Variants in NCOA1 observed in about 807,000 individuals in gnomAD.
NCOA1 encodes Hin-2 protein.
NCOA1 carries 35 observed loss-of-function variants against 150.9 expected under a neutral mutation model. The observed-to-expected ratio is 0.23, with a 90% CI of 0.18 to 0.31. NCOA1 has a LOEUF of 0.31. Ranked by LOEUF, NCOA1 falls within the 10% of genes least tolerant of loss-of-function variation. The pLI is 1.00. For synonymous variants in NCOA1, 590 were observed against 630.0 expected, an observed-to-expected ratio of 0.94 and a Z score of 0.95; for missense variants, 1,491 against 1,749.3, an observed-to-expected ratio of 0.85 and a Z score of 2.63.
intron 19 of NCOA1, among the ~76,000 whole-genome samples, chr2:24,743,264 A>G (rs1423386780): frequency 6.6e-6 from 1 of 152,274 alleles, no homozygotes; most frequent in East Asian, 1.9e-4. Context: ...TTTGACTTGA[A>G]TAAAATGTCA....
At chr2:24,728,997 G>A (rs528123900) in intron 16 of NCOA1, among the ~76,000 whole-genome samples, 2 of 152,324 alleles carry the variant, frequency 1.3e-5, no homozygotes, top group East Asian at 1.9e-4. Flanking sequence ...AAGCACACGC[G>A]CACGCGCGCA....
chr2:24,755,630 C>G (rs1207938596), intron 20 of NCOA1, among the ~76,000 whole-genome samples: 1 of 152,168 alleles, frequency 6.6e-6, no homozygotes, highest in Non-Finnish European at 1.5e-5. Flanking sequence ...TGTCAGTGGA[C>G]CCAGACGTCT....
At chr2:24,534,469 A>G (rs1310805895) in intron 1 of NCOA1, among the ~76,000 whole-genome samples, 1 of 147,210 alleles carries the variant, frequency 6.8e-6, no homozygotes, top group African/African-American at 2.5e-5. Flanking sequence ...CTCTGATCTT[A>G]GTTATTTCTT....
chr2:24,656,510 A>G (rs1670958591), intron 4 of NCOA1, among the ~76,000 whole-genome samples: 1 of 152,178 alleles, frequency 6.6e-6, no homozygotes. Context: ...GCTATTCGAA[A>G]ATAAATTGTT....
rs1282856688 is a variant in NCOA1, at chr2:24,707,658, A to G, written c.2188A>G (p.Ser730Gly). Residue 730 changes from serine to glycine, a missense_variant, in exon 13 of 23, where the codon AGT (serine) becomes GGT (glycine). Physicochemically the swap from Ser to Gly is moderately conservative, Grantham distance 56. Transcript: ENST00000348332. ...SVTGQVQGNSSIKLELDASKK... is the reference protein window; with the variant it reads ...SVTGQVQGNSGIKLELDASKK... ...GACTGGACAGGTACAAGGAAACTCC[A>G]GTATAAAACTAGAACTGGATGCTTC... The G allele has an allele frequency of 6.2e-7, 1 of 1,614,128 alleles. No individual in the cohort carries two copies. Among genetic ancestry groups the G allele is most frequent in the African/African-American group, 1.3e-5 (1 of 74,952 alleles).
chr2:24,618,395 T>C (rs1668968013), intron 3 of NCOA1, among the ~76,000 whole-genome samples: 1 of 152,220 alleles, frequency 6.6e-6, no homozygotes, highest in Admixed American at 6.5e-5. Context: ...AGTGGCTATA[T>C]ATTAAATCTC....
Position 24,728,474 on chromosome 2 carries a change from C to G in NCOA1, c.2884C>G (p.Gln962Glu), listed in dbSNP as rs1387287675. ...DRALGIDKLV[Q>E]GGGLDVLSER... ...AGCTCTGGGAATTGACAAACTTGTT[C>G]AGGTATTTATTAAAGTCAACATTAT... Residue 962 changes from glutamine (Q) to glutamate (E), a missense_variant and splice_region_variant, in exon 16 of 23, where the codon CAG (glutamine) becomes GAG (glutamate). By Grantham distance (29) the Gln-to-Glu change is conservative. Around this residue, in one of 8 missense-constraint regions of NCOA1, gnomAD observed 485 missense variants for 522.8 expected, o/e 0.93. Coordinates refer to ENST00000348332, the MANE Select transcript of NCOA1 (RefSeq NM_003743.5). The G allele has an allele frequency of 6.2e-7, 1 of 1,609,618 alleles. No homozygotes were observed. Among genetic ancestry groups the G allele is most frequent in the South Asian group, 1.1e-5 (1 of 89,992 alleles).
chr2:24,688,262 A>G (rs993475250), intron 8 of NCOA1, among the ~76,000 whole-genome samples: 2 of 152,178 alleles, frequency 1.3e-5, no homozygotes, highest in East Asian at 1.9e-4. Flanking sequence ...TCCTTTGGGT[A>G]TATATCCAGT....
At chr2:24,626,850 C>T (rs1669436320) in intron 3 of NCOA1, among the ~76,000 whole-genome samples, 1 of 152,096 alleles carries the variant, frequency 6.6e-6, no homozygotes, top group Admixed American at 6.5e-5. Flanking sequence ...TAAAGTATCT[C>T]TCCTAGTCAC....
intron 14 of NCOA1, among the ~76,000 whole-genome samples, chr2:24,719,014 G>A (rs1304637699): frequency 2.7e-5 from 3 of 109,788 alleles, no homozygotes; most frequent in Non-Finnish European, 5.1e-5. Flanking sequence ...GTACTACAAA[G>A]TGAGACTCTG....
intron 10 of NCOA1, 79 bp from the exon 11 acceptor site, chr2:24,697,579 G>T: frequency 8.1e-7 from 1 of 1,234,338 alleles, no homozygotes; most frequent in Non-Finnish European, 1.1e-6. Flanking sequence ...ATATTTCTTA[G>T]ATGCAGTTGT....
At chr2:24,736,136 G>A (rs1285921428) in intron 17 of NCOA1, among the ~76,000 whole-genome samples, 3 of 151,130 alleles carry the variant, frequency 2.0e-5, no homozygotes, top group African/African-American at 4.9e-5. Flanking sequence ...CAAGAGAATC[G>A]CTTGAACCCA....
intron 1 of NCOA1, among the ~76,000 whole-genome samples, chr2:24,500,434 G>A (rs114670726): frequency 6.3e-4 from 96 of 152,238 alleles, no homozygotes; most frequent in African/African-American, 2.3e-3. Flanking sequence ...TAAATTATCC[G>A]CAAAATGGAA....
chr2:24,586,656 C>G (rs141997269), intron 3 of NCOA1, among the ~76,000 whole-genome samples: 3 of 152,266 alleles, frequency 2.0e-5, no homozygotes, highest in African/African-American at 7.2e-5. Flanking sequence ...GGTTTCACCA[C>G]ATTGCCAAGG....
intron 3 of NCOA1, among the ~76,000 whole-genome samples, chr2:24,598,848 GCTTCTA>G (rs1667990058): frequency 6.6e-6 from 1 of 151,956 alleles, no homozygotes; most frequent in South Asian, 2.1e-4. Context: ...TGGGGTTTGG[GCTTCTA>G]TTGAACTCAT....
intron 3 of NCOA1, among the ~76,000 whole-genome samples, chr2:24,637,026 TC>T: frequency 6.6e-6 from 1 of 151,832 alleles, no homozygotes; most frequent in Non-Finnish European, 1.5e-5. Context: ...TAATAGCGTA[TC>T]CCTCATCTCA....
intron 5 of NCOA1, among the ~76,000 whole-genome samples, chr2:24,660,927 G>A (rs1398868960): frequency 6.6e-6 from 1 of 152,016 alleles, no homozygotes; most frequent in Admixed American, 6.6e-5. Flanking sequence ...CAGTTGTGGT[G>A]CCGGGCATCT....
chr2:24,664,212 C>A (rs1671310786), intron 5 of NCOA1, among the ~76,000 whole-genome samples: 1 of 152,054 alleles, frequency 6.6e-6, no homozygotes, highest in South Asian at 2.1e-4. Flanking sequence ...TTATAAAATA[C>A]AATTTTAATA....
intron 1 of NCOA1, among the ~76,000 whole-genome samples, chr2:24,536,397 A>G (rs1054539827): frequency 2.6e-5 from 4 of 152,148 alleles, no homozygotes; most frequent in African/African-American, 9.7e-5. Context: ...GGGTTAGAAC[A>G]TGCTCCTTTA....
Sources: allele counts gnomAD v4.1 joint callset (sites outside exome capture counted in the v4.1 genomes callset), GRCh38; gene constraint gnomAD v4.1.1; regional missense constraint gnomAD v4.1.1; transcripts MANE v1.5; gene names NCBI Gene and HGNC (gene_info 2026-07-23, HGNC 2026-07-21).